The following RALGPS2 variants were observed in gnomAD, a reference collection of about 807,000 sequenced individuals.
The protein encoded by RALGPS2 is Ral GEF with PH domain and SH3 binding motif 2, also known as ras-specific guanine nucleotide-releasing factor RalGPS2.
In RALGPS2, 43 loss-of-function variants were observed where a neutral mutation model predicts 86.8. The ratio of observed to expected loss-of-function variants is 0.50; its 90% confidence interval spans 0.39 to 0.64. The LOEUF is 0.64. RALGPS2 is among the 30% of genes least tolerant of loss of function. The pLI is 0.00. For missense variants in RALGPS2, 536 were observed against 694.6 expected, an observed-to-expected ratio of 0.77 and a Z score of 2.57; for synonymous variants, 243 against 231.3, an observed-to-expected ratio of 1.05 and a Z score of -0.46.
chr1:178,796,379 C>T (rs1213498151), intron 4 of RALGPS2, among the ~76,000 whole-genome samples: 1 of 152,124 alleles, frequency 6.6e-6, no homozygotes, highest in Admixed American at 6.6e-5. Context: ...GTGACTGAGA[C>T]TTCTTTGTAG....
At chr1:178,758,086 T>TAA (rs1462968436) in intron 1 of RALGPS2, among the ~76,000 whole-genome samples, 1 of 152,208 alleles carries the variant, frequency 6.6e-6, no homozygotes, top group East Asian at 1.9e-4. Flanking sequence ...CAGGTGTTCA[T>TAA]AATAGTCTTT....
intron 1 of RALGPS2, among the ~76,000 whole-genome samples, chr1:178,749,195 A>G (rs1320738746): frequency 6.6e-6 from 1 of 152,014 alleles, no homozygotes; most frequent in African/African-American, 2.4e-5. Context: ...ATTTTTTTTT[A>G]ATTCATGCAG....
At chr1:178,748,862 A>C (rs1651490158) in intron 1 of RALGPS2, among the ~76,000 whole-genome samples, 1 of 150,428 alleles carries the variant, frequency 6.6e-6, no homozygotes, top group South Asian at 2.1e-4. Context: ...AAAAAAAAAA[A>C]AAAAGAAGGC....
At chr1:178,809,427 C>T (rs938061397) in intron 5 of RALGPS2, among the ~76,000 whole-genome samples, 1 of 151,916 alleles carries the variant, frequency 6.6e-6, no homozygotes, top group African/African-American at 2.4e-5. Flanking sequence ...AGGGCAGTTA[C>T]AGTACCCACT....
chr1:178,735,705 T>G (rs1305666306), intron 1 of RALGPS2, among the ~76,000 whole-genome samples: 3 of 151,080 alleles, frequency 2.0e-5, no homozygotes, highest in Admixed American at 2.0e-4. Flanking sequence ...ACCTTAGATA[T>G]ATGTACATTA....
chr1:178,787,117 G>GA (rs1653692016), intron 4 of RALGPS2, among the ~76,000 whole-genome samples: 1 of 150,840 alleles, frequency 6.6e-6, no homozygotes, highest in Non-Finnish European at 1.5e-5. Context: ...ATGGCAAAAA[G>GA]AAAAAACCAG....
intron 8 of RALGPS2, among the ~76,000 whole-genome samples, chr1:178,872,141 T>G (rs1658792321): frequency 6.6e-6 from 1 of 152,188 alleles, no homozygotes; most frequent in African/African-American, 2.4e-5. Flanking sequence ...CTTTTGGGCT[T>G]TCTCTACATA....
chr1:178,773,889 G>C (rs1216162112), intron 1 of RALGPS2, among the ~76,000 whole-genome samples: 1 of 152,132 alleles, frequency 6.6e-6, no homozygotes, highest in African/African-American at 2.4e-5. Flanking sequence ...TTTAAAATAT[G>C]TAATGGATTT....
At position 178,843,763 on chromosome 1, in the gene RALGPS2, T is replaced by C. The variant is rs182597379; in HGVS notation, c.607+10213T>C. 1.6e-3 allele frequency among the ~76,000 whole-genome samples: 247 copies of C among 152,162 alleles called. 1 individual carries two copies. Among genetic ancestry groups the C allele is most frequent in the African/African-American group, 5.7e-3 (235 of 41,514 alleles). On this transcript the variant is annotated intron_variant, in intron 8 of 19. Transcript: ENST00000367635. ...ATTTTAGATACTGGTATTCTTCATA[T>C]AGTTCATCCCTATCTGGGTATGTGA...
intron 19 of RALGPS2, among the ~76,000 whole-genome samples, chr1:178,916,000 A>G (rs1660796850): frequency 6.6e-6 from 1 of 152,196 alleles, no homozygotes. Context: ...ATCTCACCCT[A>G]CCAGAGTCAT....
intron 3 of RALGPS2, 108 bp from the exon 4 acceptor site, chr1:178,785,449 A>G (rs1653604086): frequency 8.3e-7 from 1 of 1,208,114 alleles, no homozygotes; most frequent in Admixed American, 3.0e-5. Flanking sequence ...GCCCTTATAA[A>G]ATTGAGTATT....
chr1:178,876,852 A>G (rs1659028489), intron 8 of RALGPS2, among the ~76,000 whole-genome samples: 1 of 152,176 alleles, frequency 6.6e-6, no homozygotes, highest in Non-Finnish European at 1.5e-5. Context: ...AGGGTAAGAA[A>G]TAGTTAACTT....
At chr1:178,910,100 T>C (rs1389009066) in intron 19 of RALGPS2, among the ~76,000 whole-genome samples, 1 of 152,212 alleles carries the variant, frequency 6.6e-6, no homozygotes, top group East Asian at 1.9e-4. Context: ...TTGATTTTTG[T>C]ACATTGATTT....
intron 4 of RALGPS2, among the ~76,000 whole-genome samples, chr1:178,790,265 G>GT (rs1466253490): frequency 1.3e-5 from 2 of 152,134 alleles, no homozygotes; most frequent in African/African-American, 2.4e-5. Flanking sequence ...TATTCTTAAT[G>GT]TATTAGTCTC....
intron 4 of RALGPS2, among the ~76,000 whole-genome samples, chr1:178,794,405 C>T (rs1239843133): frequency 6.6e-6 from 1 of 152,200 alleles, no homozygotes; most frequent in South Asian, 2.1e-4. Context: ...TGAGCCACCA[C>T]ACCTGGCTTA....
chr1:178,799,293 C>T (rs1326343061), intron 4 of RALGPS2, among the ~76,000 whole-genome samples: 1 of 152,022 alleles, frequency 6.6e-6, no homozygotes, highest in East Asian at 1.9e-4. Flanking sequence ...TCTGCCTCGG[C>T]TTCCCAAAGT....
intron 19 of RALGPS2, among the ~76,000 whole-genome samples, chr1:178,913,519 C>A (rs891263526): frequency 1.3e-5 from 2 of 152,120 alleles, no homozygotes; most frequent in African/African-American, 4.8e-5. Context: ...TGCTGGGAAC[C>A]TATTGTAGTT....
chr1:178,885,337 T>C, intron 12 of RALGPS2, 126 bp downstream of exon 12: 1 of 931,842 alleles, frequency 1.1e-6, no homozygotes, highest in East Asian at 2.9e-5. Flanking sequence ...AGCTGTTTTC[T>C]GATTCAGTAA....
intron 1 of RALGPS2, among the ~76,000 whole-genome samples, chr1:178,744,081 C>G (rs1253787432): frequency 6.6e-6 from 1 of 152,164 alleles, no homozygotes; most frequent in Non-Finnish European, 1.5e-5. Context: ...AGAAATAACT[C>G]ACATGAGCAT....
Sources: allele counts gnomAD v4.1 joint callset (sites outside exome capture counted in the v4.1 genomes callset), GRCh38; gene constraint gnomAD v4.1.1; transcripts MANE v1.5; gene names NCBI Gene and HGNC (gene_info 2026-07-23, HGNC 2026-07-21).